EPS15: variants seen among roughly 807,000 people sequenced by gnomAD.
EPS15 encodes the protein epidermal growth factor receptor substrate 15.
Under a neutral mutation model 113.8 loss-of-function variants are expected in EPS15, and 72 were observed. The observed-to-expected ratio is 0.63, with a 90% confidence interval of 0.52 to 0.77. EPS15 has a LOEUF of 0.77. Ranked by LOEUF, EPS15 falls within the 30% of genes least tolerant of loss-of-function variation. The probability of loss-of-function intolerance (pLI) is 0.00; values close to 1 mark genes in which losing one functional copy is unlikely to be tolerated. For synonymous variants in EPS15, 344 were observed against 363.4 expected, an observed-to-expected ratio of 0.95 and a Z score of 0.61; for missense variants, 1,048 against 1,045.8, an observed-to-expected ratio of 1.00 and a Z score of -0.03.
intron 10 of EPS15, among the ~76,000 whole-genome samples, chr1:51,446,455 T>A (rs1273495781): frequency 7.1e-6 from 1 of 141,324 alleles, no homozygotes; most frequent in Non-Finnish European, 1.6e-5. Context: ...CTGTCATTCT[T>A]TTTTTTTTTT....
intron 15 of EPS15, among the ~76,000 whole-genome samples, chr1:51,406,444 G>A (rs1649138807): frequency 6.6e-6 from 1 of 151,986 alleles, no homozygotes; most frequent in Admixed American, 6.6e-5. Flanking sequence ...CACTGCACTC[G>A]AGTGACAGAA....
chr1:51,438,843 T>C (rs1652362874), intron 12 of EPS15, among the ~76,000 whole-genome samples: 1 of 152,120 alleles, frequency 6.6e-6, no homozygotes, highest in South Asian at 2.1e-4. Flanking sequence ...TACTGTCTCT[T>C]AACGTGATGT....
chr1:51,428,826 C>CAAAAA (rs902706524), intron 12 of EPS15, among the ~76,000 whole-genome samples: 2 of 53,838 alleles, frequency 3.7e-5, no homozygotes, highest in East Asian at 7.1e-4. Context: ...GACTCCATCT[C>CAAAAA]AAAAAAAAAA....
At position 51,356,092 on chromosome 1, in the gene EPS15, T is replaced by A. The variant is rs1360902537; in HGVS notation, c.*608A>T. On this transcript the variant is annotated 3_prime_UTR_variant, in exon 25 of 25. Coordinates refer to ENST00000371733, the MANE Select transcript of EPS15 (RefSeq NM_001981.3). ...TTTAATATTTTTAGTTAGGAAAAGA[T>A]CGAATCTGAGGCTATAATGGTTCAA... is the stretch of plus-strand genomic sequence containing the variant. 2 of 204,528 alleles carry A rather than the reference T, an allele frequency of 9.8e-6. No individual in the cohort carries two copies. The highest frequency in any genetic ancestry group is 4.6e-5 in the African/African-American group (2 of 43,722). 12.7% of individuals were successfully genotyped at this position (204,528 alleles called of 1,614,324 possible). A position where few individuals can be genotyped will look rare whatever the true frequency, so the allele number is the denominator to read the frequency against.
In EPS15 at chr1:51,356,673, A is replaced by T; in HGVS notation, c.*27T>A. The T allele has an allele frequency of 6.2e-7, 1 of 1,606,338 alleles. No homozygotes were observed. The highest frequency in any genetic ancestry group is 8.5e-7 in the Non-Finnish European group (1 of 1,174,074). On this transcript the variant is annotated 3_prime_UTR_variant, in exon 25 of 25. Transcript: ENST00000371733. ...CAGTATTCAGGAAGAAGAATACTAT[A>T]TTGTTGCCAAAGAACAAGAGAATTC...
At chr1:51,361,039 G>A in intron 24 of EPS15, 132 bp downstream of exon 24, 1 of 688,958 alleles carries the variant, frequency 1.5e-6, no homozygotes, top group Non-Finnish European at 2.4e-6. Context: ...TTTTGCTTGG[G>A]GGAAGAATGA....
intron 18 of EPS15, among the ~76,000 whole-genome samples, chr1:51,401,832 G>C (rs928362997): frequency 6.6e-6 from 1 of 152,054 alleles, no homozygotes; most frequent in Non-Finnish European, 1.5e-5. Context: ...GTGAAACCCA[G>C]TCTCTACTAA....
chr1:51,381,303 T>C (rs1646935690), intron 21 of EPS15, among the ~76,000 whole-genome samples: 1 of 152,104 alleles, frequency 6.6e-6, no homozygotes, highest in Non-Finnish European at 1.5e-5. Flanking sequence ...CATAAAAATA[T>C]CTCTTCCAGC....
chr1:51,359,212 A>G (rs1479212966), intron 24 of EPS15, among the ~76,000 whole-genome samples: 1 of 151,608 alleles, frequency 6.6e-6, no homozygotes, highest in Non-Finnish European at 1.5e-5. Flanking sequence ...TTGGGAGGCC[A>G]AGGCATGCAC....
chr1:51,499,521 A>T (rs1042133357), intron 1 of EPS15, among the ~76,000 whole-genome samples: 1 of 151,678 alleles, frequency 6.6e-6, no homozygotes, highest in Non-Finnish European at 1.5e-5. Flanking sequence ...TTTATTTTGA[A>T]TTTTTTTCAG....
At chr1:51,363,095 A>T (rs1312084173) in intron 23 of EPS15, among the ~76,000 whole-genome samples, 1 of 151,982 alleles carries the variant, frequency 6.6e-6, no homozygotes, top group African/African-American at 2.4e-5. Context: ...GTCAGGAGGT[A>T]GAGACCAGCG....
intron 21 of EPS15, among the ~76,000 whole-genome samples, chr1:51,377,662 G>A (rs1332051250): frequency 1.3e-5 from 2 of 152,216 alleles, no homozygotes; most frequent in African/African-American, 4.8e-5. Flanking sequence ...AATTTTCAAA[G>A]ACTATCTTGT....
chr1:51,414,286 G>A (rs1374860547), intron 13 of EPS15, among the ~76,000 whole-genome samples: 4 of 151,812 alleles, frequency 2.6e-5, no homozygotes, highest in Non-Finnish European at 5.9e-5. Context: ...GGTAGTGGCC[G>A]CCTGTAATTC....
intron 7 of EPS15, 74 bp from the exon 8 acceptor site, chr1:51,461,224 G>C: frequency 9.0e-7 from 1 of 1,116,372 alleles, no homozygotes; most frequent in Non-Finnish European, 1.4e-6. Context: ...AGAAAAGAAA[G>C]TTTATGAGCT....
chr1:51,431,455 T>C (rs1369990051), intron 12 of EPS15, among the ~76,000 whole-genome samples: 4 of 151,944 alleles, frequency 2.6e-5, no homozygotes, highest in Admixed American at 2.0e-4. Flanking sequence ...TCTTTTCTTT[T>C]TTTTTTTGGA....
At chr1:51,403,311 T>TA in intron 17 of EPS15, 108 bp downstream of exon 17, 1 of 509,980 alleles carries the variant, frequency 2.0e-6, no homozygotes, top group Non-Finnish European at 3.5e-6. Context: ...GATGTATCTA[T>TA]CATCTGAATA....
chr1:51,414,031 T>C (rs1176619121), intron 13 of EPS15, among the ~76,000 whole-genome samples: 1 of 151,588 alleles, frequency 6.6e-6, no homozygotes, highest in Non-Finnish European at 1.5e-5. Context: ...ATTACAAACA[T>C]GAGCCACAGT....
intron 13 of EPS15, among the ~76,000 whole-genome samples, chr1:51,411,637 TTA>T (rs931945919): frequency 2.0e-5 from 3 of 152,182 alleles, no homozygotes; most frequent in Non-Finnish European, 4.4e-5. Flanking sequence ...CTTTATTGTA[TTA>T]TATAGAGTTT....
At chr1:51,387,056 G>T (rs1367941865) in intron 21 of EPS15, among the ~76,000 whole-genome samples, 4 of 152,132 alleles carry the variant, frequency 2.6e-5, no homozygotes, top group African/African-American at 9.7e-5. Flanking sequence ...AAAAGGTTAA[G>T]GGCAGCCAGA....
Sources: allele counts gnomAD v4.1 joint callset (sites outside exome capture counted in the v4.1 genomes callset), GRCh38; gene constraint gnomAD v4.1.1; transcripts MANE v1.5; gene names NCBI Gene and HGNC (gene_info 2026-07-23, HGNC 2026-07-21).